Variants in SLC39A10 observed in about 807,000 individuals in gnomAD.
SLC39A10 encodes the protein solute carrier family 39 member 10, also known as zinc transporter ZIP10.
In SLC39A10, 13 loss-of-function variants were observed where a neutral mutation model predicts 65.1. The observed-to-expected ratio is 0.20, with a 90% confidence interval of 0.13 to 0.32. The LOEUF (loss-of-function observed/expected upper bound fraction) is 0.32. Ranked by LOEUF, SLC39A10 falls within the 10% of genes least tolerant of loss-of-function variation. The pLI is 1.00. For missense variants in SLC39A10, 831 were observed against 1,018.4 expected (o/e 0.82, Z 2.50); for synonymous variants, 321 against 342.2 (o/e 0.94, Z 0.68).
chr2:195,716,101 C>T (rs1313893514), intron 6 of SLC39A10, among the ~76,000 whole-genome samples: 1 of 152,198 alleles, frequency 6.6e-6, no homozygotes, highest in Non-Finnish European at 1.5e-5. Flanking sequence ...TCTGGCTTTT[C>T]AGACATCACA....
intron 1 of SLC39A10, among the ~76,000 whole-genome samples, chr2:195,675,870 A>G (rs1248457724): frequency 6.6e-6 from 1 of 152,054 alleles, no homozygotes; most frequent in Non-Finnish European, 1.5e-5. Flanking sequence ...ACCAATATAT[A>G]CTTCCACCAG....
chr2:195,659,556 T>C (rs1299897487), intron 1 of SLC39A10, among the ~76,000 whole-genome samples: 1 of 152,210 alleles, frequency 6.6e-6, no homozygotes, highest in Admixed American at 6.5e-5. Context: ...TAATATTCTG[T>C]TCACCCAACC....
intron 8 of SLC39A10, among the ~76,000 whole-genome samples, chr2:195,725,970 G>A (rs1002139789): frequency 6.6e-6 from 1 of 152,094 alleles, no homozygotes; most frequent in Non-Finnish European, 1.5e-5. Context: ...ATTTTGGAAG[G>A]GTAATGAAAA....
chr2:195,689,255 T>C (rs1690634966), intron 3 of SLC39A10, among the ~76,000 whole-genome samples: 1 of 152,020 alleles, frequency 6.6e-6, no homozygotes, highest in Admixed American at 6.6e-5. Context: ...ATAAATAATT[T>C]TTACATTTTT....
At chr2:195,715,388 T>C (rs1274360584) in intron 6 of SLC39A10, among the ~76,000 whole-genome samples, 1 of 151,854 alleles carries the variant, frequency 6.6e-6, no homozygotes, top group Non-Finnish European at 1.5e-5. Flanking sequence ...TAGCCGGGTG[T>C]GGTGGCACAC....
In SLC39A10 at chr2:195,728,808, T is replaced by TTTA. The variant is rs1692332244; in HGVS notation, c.2337+459_2337+460insTTA. On this transcript the variant is annotated intron_variant, in intron 9 of 9. Transcript: ENST00000359634. The surrounding 1 kb of genome is among the most constrained non-coding windows in gnomAD (Gnocchi z 4.4). ...AATTTAGCTTAAAGTTAAATGTAAA[T>TTTA]GCTAACAATTTGTTTTATTTTGATT... Among the ~76,000 whole-genome samples, 1 of 152,212 alleles carries TTTA rather than the reference T, an allele frequency of 6.6e-6. No homozygotes were observed. The highest frequency in any genetic ancestry group is 1.5e-5 in the Non-Finnish European group (1 of 68,034).
intron 6 of SLC39A10, among the ~76,000 whole-genome samples, chr2:195,715,191 T>C (rs1244656319): frequency 6.7e-6 from 1 of 150,108 alleles, no homozygotes; most frequent in Non-Finnish European, 1.5e-5. Context: ...ATAATCTCTT[T>C]TATATACTTA....
chr2:195,733,552 C>T (rs1456348547), intron 9 of SLC39A10, among the ~76,000 whole-genome samples: 9 of 151,032 alleles, frequency 6.0e-5, no homozygotes, highest in Admixed American at 2.6e-4. Context: ...TTTTTTGAGA[C>T]GGAGTTTTGC....
At chr2:195,703,620 AT>A (rs1332370821) in intron 3 of SLC39A10, among the ~76,000 whole-genome samples, 1 of 152,154 alleles carries the variant, frequency 6.6e-6, no homozygotes. Flanking sequence ...CTATTTATTG[AT>A]TTAAGTTTTC....
chr2:195,675,591 C>T (rs140101089), intron 1 of SLC39A10, among the ~76,000 whole-genome samples: 1 of 152,188 alleles, frequency 6.6e-6, no homozygotes, highest in African/African-American at 2.4e-5. Flanking sequence ...GTCACCATGC[C>T]TGGCTAATTT....
At position 195,708,789 on chromosome 2, in the gene SLC39A10, T is replaced by C. The variant is rs1230781575; in HGVS notation, c.1520T>C (p.Leu507Ser). Residue 507 changes from leucine (L) to serine (S), a missense_variant, in exon 5 of 10, where the codon TTG becomes TCG. Around this residue, in one of 4 missense-constraint regions of SLC39A10, gnomAD observed 230 missense variants for 242.9 expected, o/e 0.95. Transcript: ENST00000359634. ...CTTGTTGCTCTAGGAGGCATTTACT[T>C]GCTATTTATCATTGAACACTGCATT... The part of the protein sequence containing the change: ...KGLVALGGIY[L>S]LFIIEHCIRM... The C allele has an allele frequency of 4.3e-6, 7 of 1,613,170 alleles. No homozygotes were observed. In the Admixed American group the frequency reaches 1.2e-4, roughly 27 times the overall value.
chr2:195,734,159 TAAAAAA>T (rs35001848), intron 9 of SLC39A10, among the ~76,000 whole-genome samples: 5 of 116,540 alleles, frequency 4.3e-5, no homozygotes, highest in Non-Finnish European at 6.7e-5. Flanking sequence ...CCTTTTTTTT[TAAAAAA>T]AAAAAAAAAA....
At position 195,680,090 on chromosome 2, in the gene SLC39A10, A is replaced by G. The variant is rs772026977; in HGVS notation, c.48A>G (p.Thr16=). The G allele has an allele frequency of 1.2e-6, 2 of 1,606,944 alleles. No homozygotes were observed. Among genetic ancestry groups the G allele is most frequent in the Non-Finnish European group, 1.7e-6 (2 of 1,178,380 alleles). ...AATTTTGCCTCATTTGTTTGCTGAC[A>G]TTTATTTTTCATCATTGCAACCATT... The part of the protein sequence containing the change: ...HTKFCLICLL[T]FIFHHCNHCH... The change falls in exon 2 of 10, where the codon ACA becomes ACG. Residue 16 remains threonine (T), a synonymous_variant. Transcript: ENST00000359634.
intron 2 of SLC39A10, among the ~76,000 whole-genome samples, chr2:195,641,840 C>A (rs906545924): frequency 6.6e-6 from 1 of 152,020 alleles, no homozygotes; most frequent in Non-Finnish European, 1.5e-5. Context: ...TACAGACGTG[C>A]ACCACCACAC....
intron 5 of SLC39A10, 94 bp from the exon 6 acceptor site, chr2:195,713,338 AT>A (rs777525224): frequency 2.0e-6 from 2 of 1,015,532 alleles, no homozygotes; most frequent in Admixed American, 3.3e-5. Context: ...AGTTAACACC[AT>A]TTTTACCTGT....
rs1454546443 is a variant in SLC39A10, at chr2:195,728,605, CTACTT to C, written c.2337+259_2337+263del. Among the ~76,000 whole-genome samples the C allele has an allele frequency of 5.3e-5, 8 of 152,046 alleles. No individual in the cohort carries two copies. Among genetic ancestry groups the C allele is most frequent in the African/African-American group, 1.7e-4 (7 of 41,396 alleles). On this transcript the variant is annotated intron_variant, in intron 9 of 9. Coordinates refer to ENST00000359634, the MANE Select transcript of SLC39A10 (RefSeq NM_020342.3). The surrounding 1 kb of genome is among the most constrained non-coding windows in gnomAD (Gnocchi z 4.4). Reference sequence around the variant, plus strand: ...GAGTTATAATTACAGAATTATTATACTACTTTAAAGACTTTGTAATATTGGTGTAG... The same window carrying C: ...GAGTTATAATTACAGAATTATTATACTAAAGACTTTGTAATATTGGTGTAG...
chr2:195,722,512 A>G (rs1302149823), intron 8 of SLC39A10, among the ~76,000 whole-genome samples: 2 of 152,212 alleles, frequency 1.3e-5, no homozygotes, highest in Non-Finnish European at 2.9e-5. Flanking sequence ...TTTTTGTACA[A>G]TAGGACCAGG....
At chr2:195,657,549 G>C (rs1437422216) in intron 1 of SLC39A10, 10 of 983,706 alleles carry the variant, frequency 1.0e-5, no homozygotes, top group Non-Finnish European at 1.1e-5. Context: ...CCGCGGGATC[G>C]GGAGCCGGCG....
At chr2:195,717,265 G>GA (rs1470493318) in intron 7 of SLC39A10, 2 of 355,668 alleles carry the variant, frequency 5.6e-6, no homozygotes, top group East Asian at 9.3e-5. Context: ...TTACCATATT[G>GA]AAAAAACTGC....
Sources: allele counts gnomAD v4.1 joint callset (sites outside exome capture counted in the v4.1 genomes callset), GRCh38; gene constraint gnomAD v4.1.1; regional missense constraint gnomAD v4.1.1; non-coding constraint Gnocchi (gnomAD v3.1); transcripts MANE v1.5; gene names NCBI Gene and HGNC (gene_info 2026-07-23, HGNC 2026-07-21).